HLCS: variants seen among roughly 807,000 people sequenced by gnomAD.
The protein encoded by HLCS is biotin--protein ligase.
HLCS carries 53 observed loss-of-function variants against 75.0 expected under a neutral mutation model. The observed-to-expected ratio is 0.71, with a 90% CI of 0.57 to 0.89. The LOEUF is 0.89. Ranked by LOEUF, HLCS falls within the 40% of genes least tolerant of loss-of-function variation. HLCS has a pLI of 0.00. For missense variants in HLCS, 966 were observed against 1,074.0 expected, an observed-to-expected ratio of 0.90 and a Z score of 1.41; for synonymous variants, 431 against 428.6, an observed-to-expected ratio of 1.01 and a Z score of -0.07.
In HLCS at chr21:36,919,457, A is replaced by G. The variant is rs193172710; in HGVS notation, c.1620+10794T>C. On this transcript the variant is annotated intron_variant, in intron 5 of 10. Coordinates refer to ENST00000674895, the MANE Select transcript of HLCS (RefSeq NM_001352514.2). ...TATGTCCTGAGTTGAACGATGGAGA[A>G]GTAGAAAGAGATGCTCAAAGTGTTC... Among the ~76,000 whole-genome samples, 20 of 152,346 alleles carry G rather than the reference A, an allele frequency of 1.3e-4. No individual in the cohort carries two copies. In the East Asian group the frequency reaches 3.9e-3, roughly 29 times the overall value.
At chr21:36,890,172 T>C (rs150652675) in intron 6 of HLCS, among the ~76,000 whole-genome samples, 2,340 of 152,328 alleles carry the variant, frequency 0.015, 58 homozygotes, top group African/African-American at 0.052. Context: ...CCAGCCGTGC[T>C]GAACTGTGAG....
chr21:36,920,677 A>T (rs1014845587), intron 5 of HLCS, among the ~76,000 whole-genome samples: 14 of 152,146 alleles, frequency 9.2e-5, no homozygotes, highest in Non-Finnish European at 1.2e-4. Context: ...AATTAAAAAA[A>T]ATTTTTAAAG....
chr21:36,923,548 AAACT>A lies in HLCS; in HGVS notation c.1620+6699_1620+6702del, dbSNP rs1431009842. Among the ~76,000 whole-genome samples the A allele has an allele frequency of 6.6e-5, 10 of 152,302 alleles. No individual in the cohort carries two copies. The East Asian group carries it at 1.9e-3, about 29-fold the overall frequency. On this transcript the variant is annotated intron_variant, in intron 5 of 10. Transcript: ENST00000674895. The stretch of plus-strand genomic sequence containing the variant: ...ACGCACAGAAGCCAGAATCATCACA[AAACT>A]AATTAAACGTGGAAAACAACAAAAG...
At chr21:36,805,028 C>T (rs909392061) in intron 6 of HLCS, among the ~76,000 whole-genome samples, 1 of 152,120 alleles carries the variant, frequency 6.6e-6, no homozygotes, top group Non-Finnish European at 1.5e-5. Context: ...GAGCAAAGGA[C>T]ATTGTGGAGA....
intron 2 of HLCS, among the ~76,000 whole-genome samples, chr21:36,941,322 A>T (rs1198558963): frequency 6.6e-6 from 1 of 152,178 alleles, no homozygotes; most frequent in Admixed American, 6.5e-5. Context: ...ATGATGGTAA[A>T]TTTCCTGAGG....
chr21:36,945,220 GT>G (rs1050000575), intron 2 of HLCS, among the ~76,000 whole-genome samples: 10 of 149,702 alleles, frequency 6.7e-5, no homozygotes, highest in Non-Finnish European at 8.9e-5. Context: ...TTTTTTTTTG[GT>G]TTTTTTTTGT....
rs1258251208 is a variant in HLCS at position 36,752,408 on chromosome 21, C to T, written c.*1838G>A. 1.3e-5 allele frequency: 2 copies of T among 152,414 alleles called. No homozygotes were observed. Among genetic ancestry groups the T allele is most frequent in the Non-Finnish European group, 2.9e-5 (2 of 68,012 alleles). The allele number at this position is 152,414 out of a possible 1,614,324, so 9.4% of individuals were successfully genotyped here. A position where few individuals can be genotyped will look rare whatever the true frequency, so the allele number is the denominator to read the frequency against. On this transcript the variant is annotated 3_prime_UTR_variant, in exon 11 of 11. Coordinates refer to ENST00000674895, the MANE Select transcript of HLCS (RefSeq NM_001352514.2). Reference sequence around the variant, plus strand: ...TCATTAAATAACCCCCAAAGAAATTCAAAAAGTGATGATGGCAGCTCTGAG... The same window carrying T: ...TCATTAAATAACCCCCAAAGAAATTTAAAAAGTGATGATGGCAGCTCTGAG...
intron 6 of HLCS, among the ~76,000 whole-genome samples, chr21:36,772,410 G>C (rs188999246): frequency 1.6e-4 from 24 of 152,194 alleles, no homozygotes; most frequent in Non-Finnish European, 2.1e-4. Flanking sequence ...GCTGAGGTGG[G>C]TGGATCACTT....
At chr21:36,775,581 C>T (rs1026864644) in intron 6 of HLCS, among the ~76,000 whole-genome samples, 5 of 152,258 alleles carry the variant, frequency 3.3e-5, no homozygotes, top group Non-Finnish European at 5.9e-5. Flanking sequence ...GCCTTCACTG[C>T]GCCACTGCAC....
chr21:36,798,042 G>A (rs779084326), intron 6 of HLCS, among the ~76,000 whole-genome samples: 9 of 152,194 alleles, frequency 5.9e-5, no homozygotes, highest in Non-Finnish European at 1.3e-4. Context: ...AAGCTAACAC[G>A]TGAGCAGAGA....
chr21:36,947,643 T>A (rs987815902), intron 2 of HLCS: 2 of 985,326 alleles, frequency 2.0e-6, no homozygotes, highest in Non-Finnish European at 2.4e-6. Context: ...CAGAAATCTG[T>A]TAAGTAACTA....
intron 5 of HLCS, among the ~76,000 whole-genome samples, chr21:36,903,487 A>T (rs1164442792): frequency 6.6e-6 from 1 of 152,212 alleles, no homozygotes; most frequent in Non-Finnish European, 1.5e-5. Flanking sequence ...TAAATCACAA[A>T]AACAGAAAGA....
At chr21:36,895,588 A>G (rs907593746) in intron 6 of HLCS, among the ~76,000 whole-genome samples, 1 of 152,188 alleles carries the variant, frequency 6.6e-6, no homozygotes, top group South Asian at 2.1e-4. Flanking sequence ...TGCCTCCTCT[A>G]ATACAACACA....
intron 5 of HLCS, among the ~76,000 whole-genome samples, chr21:36,898,027 G>A (rs1254858560): frequency 6.6e-6 from 1 of 152,164 alleles, no homozygotes; most frequent in Admixed American, 6.5e-5. Context: ...GCTCCCTGTG[G>A]CTACAGAGTA....
intron 6 of HLCS, among the ~76,000 whole-genome samples, chr21:36,873,818 C>A (rs2063856093): frequency 6.6e-6 from 1 of 152,186 alleles, no homozygotes; most frequent in South Asian, 2.1e-4. Context: ...CCAGGCTGGT[C>A]TCAAACTCCT....
intron 6 of HLCS, among the ~76,000 whole-genome samples, chr21:36,858,811 A>T (rs148132075): frequency 1.9e-3 from 296 of 152,264 alleles, no homozygotes; most frequent in Non-Finnish European, 3.4e-3. Flanking sequence ...GTGAAGAGGA[A>T]GCCCATGCAC....
At chr21:36,776,431 T>C (rs1202387645) in intron 6 of HLCS, among the ~76,000 whole-genome samples, 1 of 152,138 alleles carries the variant, frequency 6.6e-6, no homozygotes, top group Non-Finnish European at 1.5e-5. Context: ...TTTTTTTCTT[T>C]TGAGATGGAG....
chr21:36,831,832 A>G (rs1047410612), intron 6 of HLCS, among the ~76,000 whole-genome samples: 1 of 152,104 alleles, frequency 6.6e-6, no homozygotes, highest in Non-Finnish European at 1.5e-5. Flanking sequence ...TTTAAATACA[A>G]TTTCCTATAT....
At chr21:36,879,849 G>A (rs896285970) in intron 6 of HLCS, among the ~76,000 whole-genome samples, 7 of 151,550 alleles carry the variant, frequency 4.6e-5, no homozygotes, top group African/African-American at 1.2e-4. Flanking sequence ...GTTCGAGGCT[G>A]CAGTGAGCCG....
Sources: allele counts gnomAD v4.1 joint callset (sites outside exome capture counted in the v4.1 genomes callset), GRCh38; gene constraint gnomAD v4.1.1; transcripts MANE v1.5; gene names NCBI Gene and HGNC (gene_info 2026-07-23, HGNC 2026-07-21).